Variants in GRAMD1C observed in about 807,000 individuals in gnomAD.
GRAMD1C encodes the protein protein Aster-C.
In GRAMD1C, 89 loss-of-function variants were observed where a neutral mutation model predicts 97.8. The ratio of observed to expected loss-of-function variants is 0.91; its 90% CI spans 0.77 to 1.09. GRAMD1C has a LOEUF of 1.09. GRAMD1C is among the 50% of genes least tolerant of loss of function. The pLI, the probability that GRAMD1C is intolerant of heterozygous loss-of-function variation, is 0.00. For missense variants in GRAMD1C, 740 were observed against 766.4 expected (o/e 0.97, Z 0.41); for synonymous variants, 256 against 267.0 (o/e 0.96, Z 0.40).
intron 2 of GRAMD1C, among the ~76,000 whole-genome samples, chr3:113,864,801 A>C (rs761736050): frequency 6.6e-6 from 1 of 152,172 alleles, no homozygotes; most frequent in Non-Finnish European, 1.5e-5. Context: ...ATTTCTCTTA[A>C]TGACCCATTT....
intron 6 of GRAMD1C, among the ~76,000 whole-genome samples, chr3:113,895,482 T>C (rs1171774011): frequency 6.6e-6 from 1 of 152,160 alleles, no homozygotes; most frequent in African/African-American, 2.4e-5. Context: ...GTCATCCAGC[T>C]TTCTCCTTTA....
chr3:113,945,422 C>A lies in GRAMD1C; in HGVS notation c.1933C>A (p.Gln645Lys). ...GCTGAAGAGCTCACTCATTATGCTT[C>A]AGAAAACGTTTGATCTACTAAATAA... ...EQLKSSLIMLQKTFDLLNKNK... is the reference protein window; with the variant it reads ...EQLKSSLIMLKKTFDLLNKNK... The change falls in exon 18 of 18, where the codon CAG becomes AAG. Residue 645 changes from glutamine to lysine, a missense_variant. Gln to Lys is a moderately conservative substitution (Grantham distance 53). Coordinates refer to ENST00000358160, the MANE Select transcript of GRAMD1C (RefSeq NM_017577.5). The A allele has an allele frequency of 1.9e-6, 3 of 1,597,270 alleles. No individual in the cohort carries two copies. The highest frequency in any genetic ancestry group is 2.6e-6 in the Non-Finnish European group (3 of 1,165,586).
rs912096343 is a variant in GRAMD1C, at chr3:113,945,545, C to T, written c.*67C>T. ...AGAAAATACCTGGAAGAAAACCAGACGAATGAAGGATTTTGGCATAGAACA... is the reference window on the plus strand; with the variant it reads ...AGAAAATACCTGGAAGAAAACCAGATGAATGAAGGATTTTGGCATAGAACA... On this transcript the variant is annotated 3_prime_UTR_variant, in exon 18 of 18. Transcript: ENST00000358160. 11 of 816,424 alleles carry T rather than the reference C, an allele frequency of 1.3e-5. No individual in the cohort carries two copies. In the East Asian group the frequency reaches 1.7e-4, roughly 13 times the overall value. The allele number at this position is 816,424 out of a possible 1,614,324, so 50.6% of individuals were successfully genotyped here. A position where few individuals can be genotyped will look rare whatever the true frequency, so the allele number is the denominator to read the frequency against.
chr3:113,852,495 A>T (rs919882061), intron 2 of GRAMD1C, among the ~76,000 whole-genome samples: 2 of 152,194 alleles, frequency 1.3e-5, no homozygotes, highest in Non-Finnish European at 2.9e-5. Context: ...CAAGAAGGGG[A>T]CGATTTAAAT....
In GRAMD1C at chr3:113,908,955, T is replaced by C; in HGVS notation, c.790-3T>C. On this transcript the variant is annotated splice_region_variant and splice_polypyrimidine_tract_variant and intron_variant, in intron 8 of 17. Coordinates refer to ENST00000358160, the MANE Select transcript of GRAMD1C (RefSeq NM_017577.5). ...TTTTGAAACTGGATTGTTTACCTTTTAGGGATTAGGCAAAGAGGAGTCCCA... is the reference window on the plus strand; with the variant it reads ...TTTTGAAACTGGATTGTTTACCTTTCAGGGATTAGGCAAAGAGGAGTCCCA... 6.5e-7 allele frequency: 1 copy of C among 1,543,502 alleles called. No homozygotes were observed. Among genetic ancestry groups the C allele is most frequent in the Non-Finnish European group, 8.7e-7 (1 of 1,149,884 alleles).
At chr3:113,868,883 G>C (rs937828252) in intron 2 of GRAMD1C, among the ~76,000 whole-genome samples, 8 of 152,042 alleles carry the variant, frequency 5.3e-5, no homozygotes, top group Non-Finnish European at 7.4e-5. Context: ...CCCATCTATG[G>C]CTTCCTCTCC....
intron 6 of GRAMD1C, among the ~76,000 whole-genome samples, chr3:113,895,894 C>T (rs1296281906): frequency 6.6e-6 from 1 of 152,184 alleles, no homozygotes; most frequent in Non-Finnish European, 1.5e-5. Context: ...GTCTTCTTAT[C>T]TCTTTTTAAC....
intron 9 of GRAMD1C, among the ~76,000 whole-genome samples, chr3:113,912,864 C>A (rs1368452485): frequency 6.6e-6 from 1 of 151,872 alleles, no homozygotes; most frequent in Non-Finnish European, 1.5e-5. Flanking sequence ...AAAGAGAAAG[C>A]AAAAAATATA....
intron 6 of GRAMD1C, among the ~76,000 whole-genome samples, chr3:113,889,294 C>T (rs1935626940): frequency 6.6e-6 from 1 of 152,114 alleles, no homozygotes; most frequent in African/African-American, 2.4e-5. Context: ...GCCTTGAAAA[C>T]ATAATGCTAA....
At chr3:113,839,058 CTT>C (rs1478638317) in intron 1 of GRAMD1C, 122 bp downstream of exon 1, 3 of 623,414 alleles carry the variant, frequency 4.8e-6, no homozygotes, top group Non-Finnish European at 6.9e-6. Context: ...TCTTCGTGCT[CTT>C]TGGAGTAATA....
At chr3:113,832,039 G>GTGTTTTTTTTTTTTTTTTT (rs1553713219) in intron 1 of GRAMD1C, among the ~76,000 whole-genome samples, 2 of 149,418 alleles carry the variant, frequency 1.3e-5, no homozygotes, top group African/African-American at 5.1e-5. Flanking sequence ...CAGCAACTTT[G>GTGTTTTTTTTTTTTTTTTT]TTTTTTTTGA....
At chr3:113,829,082 A>G (rs112402826) in intron 1 of GRAMD1C, among the ~76,000 whole-genome samples, 2,241 of 152,158 alleles carry the variant, frequency 0.015, 53 homozygotes, top group African/African-American at 0.049. Flanking sequence ...TTGCATACAT[A>G]CTTATCTCCC....
rs150436593 is a variant in GRAMD1C, at chr3:113,842,039, G to A, written c.28-2464G>A. Among the ~76,000 whole-genome samples the A allele has an allele frequency of 3.9e-3, 601 of 152,286 alleles. 8 individuals carry two copies. The highest frequency in any genetic ancestry group is 0.031 in the South Asian group (148 of 4,830). ...TGAAAGCCAATTTGTAAGCTCTAAAGACTTGATTTAAATTTAGTTTATTAC... is the reference window on the plus strand; with the variant it reads ...TGAAAGCCAATTTGTAAGCTCTAAAAACTTGATTTAAATTTAGTTTATTAC... On this transcript the variant is annotated intron_variant, in intron 1 of 17. Transcript: ENST00000358160.
intron 9 of GRAMD1C, among the ~76,000 whole-genome samples, chr3:113,911,522 ATTC>A (rs886341937): frequency 6.6e-6 from 1 of 151,856 alleles, no homozygotes; most frequent in African/African-American, 2.4e-5. Flanking sequence ...TCTGGTGTCT[ATTC>A]TTATAAGGAC....
chr3:113,854,249 GA>G (rs1348657386), intron 2 of GRAMD1C, among the ~76,000 whole-genome samples: 1 of 152,122 alleles, frequency 6.6e-6, no homozygotes, highest in Non-Finnish European at 1.5e-5. Context: ...ATTGGAGCCA[GA>G]AGTAAATTGA....
intron 2 of GRAMD1C, among the ~76,000 whole-genome samples, chr3:113,867,172 T>C (rs952937260): frequency 1.3e-5 from 2 of 152,130 alleles, no homozygotes; most frequent in Non-Finnish European, 2.9e-5. Context: ...AATGAGAAAA[T>C]AGATTTATGT....
intron 6 of GRAMD1C, among the ~76,000 whole-genome samples, chr3:113,887,179 C>G (rs1358978741): frequency 6.7e-6 from 1 of 148,694 alleles, no homozygotes; most frequent in Non-Finnish European, 1.5e-5. Context: ...CAACCTCCGT[C>G]TCACAGGTGC....
intron 5 of GRAMD1C, among the ~76,000 whole-genome samples, chr3:113,879,817 C>T (rs1935193610): frequency 6.6e-6 from 1 of 151,828 alleles, no homozygotes; most frequent in African/African-American, 2.4e-5. Flanking sequence ...CCTCAGCCTC[C>T]CAAGTAGCTC....
intron 1 of GRAMD1C, among the ~76,000 whole-genome samples, chr3:113,840,366 A>G (rs946637995): frequency 6.6e-6 from 1 of 152,098 alleles, no homozygotes; most frequent in Non-Finnish European, 1.5e-5. Context: ...CTCAGGAAAA[A>G]ACTGGCTCCA....
Sources: gnomAD v4.1 joint callset for allele counts (sites outside exome capture counted in the v4.1 genomes callset) on GRCh38, gnomAD v4.1.1 for gene constraint, MANE v1.5 for transcripts, NCBI Gene and HGNC (gene_info 2026-07-23, HGNC 2026-07-21) for gene names.